The following LRRC4C variants were observed in gnomAD, a reference collection of about 807,000 sequenced individuals.
LRRC4C encodes leucine-rich repeat-containing protein 4C.
LRRC4C carries 5 observed loss-of-function variants against 33.6 expected under a neutral mutation model. The observed-to-expected ratio is 0.15, with a 90% CI of 0.08 to 0.31. The LOEUF (loss-of-function observed/expected upper bound fraction) is 0.31. LRRC4C is among the 10% of genes least tolerant of loss of function. LRRC4C has a pLI of 1.00. For synonymous variants in LRRC4C, 329 were observed against 302.0 expected (o/e 1.09, Z -0.93); for missense variants, 560 against 796.7 (o/e 0.70, Z 3.58).
chr11:40,580,665 T>G (rs1044230599), intron 3 of LRRC4C, among the ~76,000 whole-genome samples: 1 of 152,208 alleles, frequency 6.6e-6, no homozygotes. Flanking sequence ...CAGATGTAGA[T>G]TCCCTATTAA....
chr11:40,346,979 T>A (rs1947165466), intron 3 of LRRC4C, among the ~76,000 whole-genome samples: 1 of 152,162 alleles, frequency 6.6e-6, no homozygotes. Flanking sequence ...GGTAAATGAG[T>A]ATTGACTTCA....
At chr11:40,221,895 C>T (rs1221176376) in intron 5 of LRRC4C, among the ~76,000 whole-genome samples, 1 of 152,154 alleles carries the variant, frequency 6.6e-6, no homozygotes, top group Non-Finnish European at 1.5e-5. Flanking sequence ...ACAGGAATTG[C>T]TCACTCAGGG....
chr11:41,132,371 T>G (rs1943053412), intron 1 of LRRC4C, among the ~76,000 whole-genome samples: 1 of 152,164 alleles, frequency 6.6e-6, no homozygotes, highest in African/African-American at 2.4e-5. Context: ...AAATGAAAAC[T>G]TTTTAAATGT....
At chr11:40,270,626 T>C (rs530306471) in intron 4 of LRRC4C, among the ~76,000 whole-genome samples, 1 of 152,248 alleles carries the variant, frequency 6.6e-6, no homozygotes, top group East Asian at 1.9e-4. Flanking sequence ...TTCTATTTTA[T>C]TCACAGAACC....
chr11:41,334,508 T>C (rs779172328), intron 1 of LRRC4C, among the ~76,000 whole-genome samples: 28 of 152,096 alleles, frequency 1.8e-4, no homozygotes, highest in Non-Finnish European at 3.5e-4. Context: ...TGTCTGGTAC[T>C]TATTGGGGGC....
At chr11:41,292,864 A>T (rs1239501843) in intron 1 of LRRC4C, among the ~76,000 whole-genome samples, 1 of 152,178 alleles carries the variant, frequency 6.6e-6, no homozygotes, top group African/African-American at 2.4e-5. Flanking sequence ...ATATGTATCT[A>T]ACCTTTACAA....
chr11:40,382,685 T>TA (rs1948934716), intron 3 of LRRC4C, among the ~76,000 whole-genome samples: 2 of 20,490 alleles, frequency 9.8e-5, no homozygotes, highest in African/African-American at 8.9e-4. Context: ...CTTGTACTCA[T>TA]TTTTTTTTTT....
At chr11:40,928,635 G>A (rs2136437782) in intron 2 of LRRC4C, among the ~76,000 whole-genome samples, 1 of 152,110 alleles carries the variant, frequency 6.6e-6, no homozygotes, top group African/African-American at 2.4e-5. Context: ...TCACTAAATT[G>A]CATGTTTGCT....
At chr11:41,090,732 T>C (rs1278109640) in intron 1 of LRRC4C, among the ~76,000 whole-genome samples, 1 of 152,106 alleles carries the variant, frequency 6.6e-6, no homozygotes, top group Non-Finnish European at 1.5e-5. Flanking sequence ...TCCCCTATGA[T>C]GTTCCTGCGA....
At position 40,986,656 on chromosome 11, in the gene LRRC4C, C is replaced by T. The variant is rs192182118; in HGVS notation, c.-495-52933G>A. On this transcript the variant is annotated intron_variant, in intron 1 of 6. Coordinates refer to ENST00000528697, the MANE Select transcript of LRRC4C (RefSeq NM_001258419.2). ...GAAGGCAGAGTTGAGAAAACTCTGG[C>T]GATATGATTTTATAATTTATGAATA... Among the ~76,000 whole-genome samples the T allele has an allele frequency of 1.6e-3, 238 of 151,736 alleles. 2 individuals are homozygous for T. The highest frequency in any genetic ancestry group is 6.9e-3 in the South Asian group (33 of 4,790).
intron 2 of LRRC4C, among the ~76,000 whole-genome samples, chr11:40,732,969 T>A (rs1369764593): frequency 6.6e-6 from 1 of 150,618 alleles, no homozygotes; most frequent in African/African-American, 2.4e-5. Flanking sequence ...GACTGTAACA[T>A]AACTACTTGG....
At chr11:40,589,084 G>T (rs1034955880) in intron 3 of LRRC4C, among the ~76,000 whole-genome samples, 34 of 152,206 alleles carry the variant, frequency 2.2e-4, no homozygotes, top group Non-Finnish European at 4.0e-4. Context: ...GGGTGTTAAA[G>T]TCTCCCATTA....
intron 1 of LRRC4C, among the ~76,000 whole-genome samples, chr11:41,015,607 C>T (rs1216667722): frequency 1.3e-5 from 2 of 152,122 alleles, no homozygotes; most frequent in Admixed American, 6.5e-5. Flanking sequence ...AGCCACTGAG[C>T]CGGGCCTGAT....
At chr11:41,270,652 C>T (rs1268340519) in intron 1 of LRRC4C, among the ~76,000 whole-genome samples, 1 of 152,120 alleles carries the variant, frequency 6.6e-6, no homozygotes, top group Non-Finnish European at 1.5e-5. Flanking sequence ...GACATTTTCT[C>T]TTCTTCAGTC....
chr11:41,385,021 A>G (rs910796033), intron 1 of LRRC4C, among the ~76,000 whole-genome samples: 28 of 150,886 alleles, frequency 1.9e-4, no homozygotes, highest in African/African-American at 6.8e-4. Context: ...AGAGCTAAAT[A>G]TAGTCAGTAT....
chr11:41,271,296 G>C (rs116409594), intron 1 of LRRC4C, among the ~76,000 whole-genome samples: 2,402 of 152,066 alleles, frequency 0.016, 73 homozygotes, highest in African/African-American at 0.055. Flanking sequence ...AAAGGCTTTC[G>C]ACTGTAGAGC....
intron 3 of LRRC4C, among the ~76,000 whole-genome samples, chr11:40,519,151 G>A (rs770226082): frequency 6.6e-6 from 1 of 152,000 alleles, no homozygotes; most frequent in Non-Finnish European, 1.5e-5. Context: ...GTGATGGGTT[G>A]ATGGGTGCAG....
intron 3 of LRRC4C, among the ~76,000 whole-genome samples, chr11:40,522,146 C>T (rs982692885): frequency 1.3e-5 from 2 of 152,188 alleles, no homozygotes; most frequent in African/African-American, 2.4e-5. Context: ...CCTCAGCCTC[C>T]CAAGTAGCTT....
At chr11:40,697,750 G>A (rs779016912) in intron 2 of LRRC4C, among the ~76,000 whole-genome samples, 1 of 152,062 alleles carries the variant, frequency 6.6e-6, no homozygotes, top group Non-Finnish European at 1.5e-5. Flanking sequence ...TTTGACCTTA[G>A]TTTGTTCAAC....
Sources: allele counts gnomAD v4.1 joint callset (sites outside exome capture counted in the v4.1 genomes callset), GRCh38; gene constraint gnomAD v4.1.1; transcripts MANE v1.5; gene names NCBI Gene and HGNC (gene_info 2026-07-23, HGNC 2026-07-21).